The following CEP112 variants were observed in gnomAD, a reference collection of about 807,000 sequenced individuals.
The protein encoded by CEP112 is centrosomal protein 112, also known as centrosomal protein of 112 kDa.
A neutral mutation model predicts 153.0 loss-of-function variants in CEP112; 127 were observed. That is an observed-to-expected ratio of 0.83 (90% CI 0.72 to 0.96). The LOEUF is 0.96. Ranked by LOEUF, CEP112 falls within the 40% of genes least tolerant of loss-of-function variation. The pLI, the probability that CEP112 is intolerant of heterozygous loss-of-function variation, is 0.00. For synonymous variants in CEP112, 358 were observed against 374.4 expected, an observed-to-expected ratio of 0.96 and a Z score of 0.51; for missense variants, 1,089 against 1,101.2, an observed-to-expected ratio of 0.99 and a Z score of 0.16.
At chr17:66,092,995 T>C (rs1420517178) in intron 8 of CEP112, among the ~76,000 whole-genome samples, 1 of 152,126 alleles carries the variant, frequency 6.6e-6, no homozygotes, top group Non-Finnish European at 1.5e-5. Flanking sequence ...CTTTTCAACA[T>C]AGTACTGGTG....
intron 21 of CEP112, among the ~76,000 whole-genome samples, chr17:65,751,656 CTA>C (rs1432967103): frequency 6.6e-6 from 1 of 152,136 alleles, no homozygotes. Context: ...CTTGTTGTTT[CTA>C]TGTTCCATTT....
At position 65,663,917 on chromosome 17, in the gene CEP112, G is replaced by C. The variant is rs1368399516; in HGVS notation, c.2698-22852C>G. On this transcript the variant is annotated intron_variant, in intron 24 of 26. Coordinates refer to ENST00000535342, the MANE Select transcript of CEP112 (RefSeq NM_001199165.4). ...AAAACTTAGCCAGGCGTGGTGGCGT[G>C]CGCCTGTAGTCCCAGCTACTCGGCA... is the stretch of plus-strand genomic sequence containing the variant. 2.5e-4 allele frequency among the ~76,000 whole-genome samples: 38 copies of C among 152,124 alleles called. 1 individual carries two copies. Among genetic ancestry groups the C allele is most frequent in the Admixed American group, 2.5e-3 (38 of 15,268 alleles).
chr17:65,704,834 A>G (rs532539520), intron 23 of CEP112, among the ~76,000 whole-genome samples: 1 of 152,376 alleles, frequency 6.6e-6, no homozygotes, highest in East Asian at 1.9e-4. Context: ...TCATGAAGGA[A>G]GAAGTTTAAA....
intron 24 of CEP112, among the ~76,000 whole-genome samples, chr17:65,666,753 G>T (rs1281366915): frequency 1.3e-5 from 2 of 151,592 alleles, no homozygotes; most frequent in Admixed American, 6.6e-5. Flanking sequence ...ACAAATAATG[G>T]AAAGTTCAAT....
At chr17:65,969,141 G>C (rs1345437216) in intron 17 of CEP112, among the ~76,000 whole-genome samples, 2 of 150,014 alleles carry the variant, frequency 1.3e-5, no homozygotes, top group Non-Finnish European at 3.0e-5. Flanking sequence ...GAGTGCAGTG[G>C]TGCGATCTCG....
chr17:65,747,628 A>T (rs2051552809), intron 22 of CEP112, among the ~76,000 whole-genome samples: 1 of 152,198 alleles, frequency 6.6e-6, no homozygotes, highest in Admixed American at 6.5e-5. Context: ...ACTGCAGTGT[A>T]TGCATCGTCT....
intron 4 of CEP112, among the ~76,000 whole-genome samples, chr17:66,161,464 A>C (rs1419700997): frequency 1.3e-5 from 2 of 152,220 alleles, no homozygotes; most frequent in African/African-American, 4.8e-5. Context: ...CGGATAAAGA[A>C]AATGTGGCAC....
At chr17:66,006,508 A>G (rs2064280786) in intron 16 of CEP112, among the ~76,000 whole-genome samples, 1 of 152,086 alleles carries the variant, frequency 6.6e-6, no homozygotes, top group African/African-American at 2.4e-5. Flanking sequence ...CAGGAGGCTG[A>G]GGCAGGAGAA....
chr17:66,090,775 A>C (rs1178345490), intron 8 of CEP112, among the ~76,000 whole-genome samples: 2 of 152,116 alleles, frequency 1.3e-5, no homozygotes, highest in Non-Finnish European at 2.9e-5. Flanking sequence ...AACAAAATTC[A>C]ACTATATGCT....
chr17:66,047,871 C>T (rs1347793962), intron 12 of CEP112, among the ~76,000 whole-genome samples: 1 of 152,100 alleles, frequency 6.6e-6, no homozygotes, highest in Non-Finnish European at 1.5e-5. Context: ...TCATCCCTTG[C>T]CATCTGTGGG....
chr17:66,156,435 C>A (rs558242773), intron 4 of CEP112, among the ~76,000 whole-genome samples: 6 of 152,110 alleles, frequency 3.9e-5, no homozygotes, highest in Non-Finnish European at 8.8e-5. Flanking sequence ...AAAACCAGCA[C>A]AAAAAGGCTG....
chr17:65,781,136 C>CTTTAATCTATCTTTAA (rs2053973299), intron 21 of CEP112, among the ~76,000 whole-genome samples: 1 of 152,066 alleles, frequency 6.6e-6, no homozygotes, highest in African/African-American at 2.4e-5. Context: ...GAGATTTAAG[C>CTTTAATCTATCTTTAA]ATTAGCTGTT....
At position 65,961,710 on chromosome 17, in the gene CEP112, C is replaced by A. The variant is rs549869130; in HGVS notation, c.1737-112G>T. ...AAATCCAGATTTTAATTTTTTTGAT[C>A]CAAATCCTACAAAACTTCCCTTTAG... On this transcript the variant is annotated intron_variant, in intron 17 of 26. Coordinates refer to ENST00000535342, the MANE Select transcript of CEP112 (RefSeq NM_001199165.4). The A allele has an allele frequency of 6.0e-5, 59 of 991,450 alleles. No individual in the cohort carries two copies. In the African/African-American group the frequency reaches 8.5e-4, roughly 14 times the overall value. 61.4% of individuals were successfully genotyped at this position (991,450 alleles called of 1,614,324 possible). A position where few individuals can be genotyped will look rare whatever the true frequency, so the allele number is the denominator to read the frequency against.
intron 21 of CEP112, among the ~76,000 whole-genome samples, chr17:65,789,297 T>C (rs1215602573): frequency 6.6e-6 from 1 of 152,228 alleles, no homozygotes; most frequent in Non-Finnish European, 1.5e-5. Flanking sequence ...CCTGAATTTT[T>C]CTAGTAGCCT....
chr17:65,711,244 T>C (rs1445391276), intron 23 of CEP112, among the ~76,000 whole-genome samples: 2 of 152,176 alleles, frequency 1.3e-5, no homozygotes, highest in African/African-American at 2.4e-5. Flanking sequence ...TTCAAATGCA[T>C]GGTAGAGTAA....
chr17:65,705,573 C>CA (rs1361822178), intron 23 of CEP112, among the ~76,000 whole-genome samples: 1 of 151,788 alleles, frequency 6.6e-6, no homozygotes, highest in Non-Finnish European at 1.5e-5. Context: ...ATTGAGAGAA[C>CA]AAAAAGAAAA....
chr17:65,851,334 TTTC>T (rs2146303041), intron 21 of CEP112, among the ~76,000 whole-genome samples: 1 of 152,314 alleles, frequency 6.6e-6, no homozygotes, highest in South Asian at 2.1e-4. Context: ...TAAAAAGACT[TTTC>T]TTATCTCGAC....
At chr17:65,744,709 G>C (rs2051342507) in intron 22 of CEP112, among the ~76,000 whole-genome samples, 1 of 152,162 alleles carries the variant, frequency 6.6e-6, no homozygotes, top group South Asian at 2.1e-4. Context: ...GTTCTCTCCA[G>C]ACAGCGTTCT....
chr17:65,719,223 C>T (rs1598392738), intron 23 of CEP112, among the ~76,000 whole-genome samples: 1 of 152,180 alleles, frequency 6.6e-6, no homozygotes, highest in East Asian at 1.9e-4. Context: ...AGCACCCAGT[C>T]CGTTGCATCT....
Sources: gnomAD v4.1 joint callset for allele counts (sites outside exome capture counted in the v4.1 genomes callset) on GRCh38, gnomAD v4.1.1 for gene constraint, MANE v1.5 for transcripts, NCBI Gene and HGNC (gene_info 2026-07-23, HGNC 2026-07-21) for gene names.